The following PLPPR4 variants were observed in gnomAD, a reference collection of about 807,000 sequenced individuals.
PLPPR4 encodes the protein phospholipid phosphatase related 4, also known as phospholipid phosphatase-related protein type 4.
In PLPPR4, 24 loss-of-function variants were observed where a neutral mutation model predicts 56.6. That is an observed-to-expected ratio of 0.42 (90% CI 0.31 to 0.60). PLPPR4 has a LOEUF of 0.60. Among genes scored for constraint, PLPPR4 ranks in the 20% least tolerant of loss-of-function variants. The pLI, the probability that PLPPR4 is intolerant of heterozygous loss-of-function variation, is 0.13. For synonymous variants in PLPPR4, 326 were observed against 328.1 expected (o/e 0.99, Z 0.07); for missense variants, 654 against 885.8 (o/e 0.74, Z 3.32).
chr1:99,301,933 T>A, intron 6 of PLPPR4, 36 bp downstream of exon 6: 1 of 1,468,380 alleles, frequency 6.8e-7, no homozygotes, highest in Non-Finnish European at 9.3e-7. Flanking sequence ...AGCCAAAGTT[T>A]AAAATGGAAA....
At chr1:99,298,730 A>G (rs999471345) in intron 3 of PLPPR4, 2 of 569,708 alleles carry the variant, frequency 3.5e-6, no homozygotes, top group Non-Finnish European at 6.1e-6. Flanking sequence ...GTCGCTCTCA[A>G]ATAATACCTT....
chr1:99,297,000 G>A (rs1659760970), intron 3 of PLPPR4, 133 bp downstream of exon 3: 4 of 963,474 alleles, frequency 4.2e-6, no homozygotes, highest in Non-Finnish European at 5.4e-6. Flanking sequence ...GTTTTATATT[G>A]TACAAGAAAC....
At chr1:99,291,229 G>A (rs748022616) in intron 2 of PLPPR4, among the ~76,000 whole-genome samples, 7 of 151,908 alleles carry the variant, frequency 4.6e-5, no homozygotes, top group East Asian at 1.9e-4. Context: ...AAATCAAAAC[G>A]AAAATGACAT....
intron 1 of PLPPR4, among the ~76,000 whole-genome samples, chr1:99,269,465 G>T (rs2100782721): frequency 6.6e-6 from 1 of 152,350 alleles, no homozygotes; most frequent in Non-Finnish European, 1.5e-5. Context: ...AAGGCTGGTT[G>T]TCTGGGGCTA....
At chr1:99,282,316 C>T (rs1418854454) in intron 1 of PLPPR4, among the ~76,000 whole-genome samples, 2 of 152,046 alleles carry the variant, frequency 1.3e-5, no homozygotes, top group African/African-American at 2.4e-5. Context: ...AACAATCTGC[C>T]GATTTCTTTG....
chr1:99,275,040 C>A (rs1168226519), intron 1 of PLPPR4, among the ~76,000 whole-genome samples: 2 of 151,940 alleles, frequency 1.3e-5, no homozygotes, highest in East Asian at 3.9e-4. Context: ...GTTGGATACA[C>A]CCTGAAGAAT....
intron 2 of PLPPR4, among the ~76,000 whole-genome samples, chr1:99,289,234 C>T (rs544688647): frequency 1.3e-5 from 2 of 152,236 alleles, no homozygotes; most frequent in Non-Finnish European, 2.9e-5. Context: ...TATTTGAAAG[C>T]TCCACATTCT....
intron 1 of PLPPR4, among the ~76,000 whole-genome samples, chr1:99,277,781 A>G (rs1390910246): frequency 6.6e-6 from 1 of 152,046 alleles, no homozygotes; most frequent in African/African-American, 2.4e-5. Context: ...ATATGTTATG[A>G]GTGAGTATGA....
intron 4 of PLPPR4, 52 bp downstream of exon 4, chr1:99,299,282 G>A: frequency 7.5e-7 from 1 of 1,342,220 alleles, no homozygotes; most frequent in Non-Finnish European, 1.1e-6. Context: ...TTATTCAATT[G>A]CTGCTTGGAG....
chr1:99,301,434 T>A (rs1343030404), intron 5 of PLPPR4, among the ~76,000 whole-genome samples: 3 of 152,096 alleles, frequency 2.0e-5, no homozygotes, highest in Non-Finnish European at 4.4e-5. Flanking sequence ...AAGTCTTTCC[T>A]GAGAAAAATG....
chr1:99,281,481 CAAT>C (rs1382882085), intron 1 of PLPPR4, among the ~76,000 whole-genome samples: 1 of 152,046 alleles, frequency 6.6e-6, no homozygotes, highest in Non-Finnish European at 1.5e-5. Flanking sequence ...TCTTTGCAGC[CAAT>C]CTGAATATGC....
intron 2 of PLPPR4, among the ~76,000 whole-genome samples, chr1:99,293,025 T>C (rs1414412723): frequency 6.6e-6 from 1 of 152,056 alleles, no homozygotes; most frequent in Non-Finnish European, 1.5e-5. Context: ...GTTCCAAAAA[T>C]GGGGTCATGA....
intron 4 of PLPPR4, among the ~76,000 whole-genome samples, chr1:99,300,146 A>G (rs372700525): frequency 2.0e-5 from 3 of 152,132 alleles, no homozygotes; most frequent in East Asian, 3.9e-4. Context: ...ACATTAACTT[A>G]TCTCTGTTGA....
Position 99,305,990 on chromosome 1 carries a change from T to G in PLPPR4, c.1128T>G (p.Ser376=). The G allele has an allele frequency of 6.2e-7, 1 of 1,614,196 alleles. No individual in the cohort carries two copies. Among genetic ancestry groups the G allele is most frequent in the Non-Finnish European group, 8.5e-7 (1 of 1,180,032 alleles). ...CCTTGCCGCGAGCCAATACCCCATCTGTAGAAGACCCTGTCAGAAGAAATG... is the reference window on the plus strand; with the variant it reads ...CCTTGCCGCGAGCCAATACCCCATCGGTAGAAGACCCTGTCAGAAGAAATG... ...SNTLPRANTP[S]VEDPVRRNAS... Residue 376 remains serine (S), a synonymous_variant, in exon 7 of 7, where the codon TCT becomes TCG. Coordinates refer to ENST00000370185, the MANE Select transcript of PLPPR4 (RefSeq NM_014839.5).
chr1:99,303,711 T>A (rs1451737868), intron 6 of PLPPR4, among the ~76,000 whole-genome samples: 1 of 152,054 alleles, frequency 6.6e-6, no homozygotes. Flanking sequence ...ATTTTATAAG[T>A]TTTTTTATTT....
rs988471616 is a variant in PLPPR4, at chr1:99,300,890, G to A, written c.591-19G>A. 4.4e-6 allele frequency: 7 copies of A among 1,603,518 alleles called. No homozygotes were observed. In the South Asian group the frequency reaches 4.4e-5, roughly 10 times the overall value. On this transcript the variant is annotated intron_variant, in intron 4 of 6. Coordinates refer to ENST00000370185, the MANE Select transcript of PLPPR4 (RefSeq NM_014839.5). Reference sequence around the variant, plus strand: ...GTATCTGAACTACAAGGCATAATTTGACTATCTTCTTTTGGCAGAAAGTCC... The same window carrying A: ...GTATCTGAACTACAAGGCATAATTTAACTATCTTCTTTTGGCAGAAAGTCC...
At chr1:99,300,781 A>G in intron 4 of PLPPR4, 128 bp from the exon 5 acceptor site, 1 of 696,534 alleles carries the variant, frequency 1.4e-6, no homozygotes, top group Non-Finnish European at 2.6e-6. Context: ...AGCTGGACAG[A>G]AGGTAAAATT....
chr1:99,296,571 G>T (rs1557781156), intron 2 of PLPPR4, among the ~76,000 whole-genome samples, 167 bp from the exon 3 acceptor site: 1 of 152,138 alleles, frequency 6.6e-6, no homozygotes, highest in Non-Finnish European at 1.5e-5. Flanking sequence ...CTCACTGCTT[G>T]ATCAAATTCT....
At chr1:99,267,008 T>C (rs1658916983) in intron 1 of PLPPR4, among the ~76,000 whole-genome samples, 4 of 152,218 alleles carry the variant, frequency 2.6e-5, no homozygotes, top group Admixed American at 2.6e-4. Context: ...CCCAAGACCT[T>C]AGAAATTAAG....
Sources: gnomAD v4.1 joint callset for allele counts (sites outside exome capture counted in the v4.1 genomes callset) on GRCh38, gnomAD v4.1.1 for gene constraint, MANE v1.5 for transcripts, NCBI Gene and HGNC (gene_info 2026-07-23, HGNC 2026-07-21) for gene names.